The following TMC2 variants were observed in gnomAD, a reference collection of about 807,000 sequenced individuals.
TMC2 encodes transmembrane channel like 2.
TMC2 carries 102 observed loss-of-function variants against 105.9 expected under a neutral mutation model. The observed-to-expected ratio is 0.96, with a 90% confidence interval of 0.82 to 1.14. The LOEUF is 1.14. TMC2 is among the 50% of genes most tolerant of loss of function. The pLI is 0.00. For synonymous variants in TMC2, 402 were observed against 422.8 expected, an observed-to-expected ratio of 0.95 and a Z score of 0.60; for missense variants, 1,093 against 1,134.3, an observed-to-expected ratio of 0.96 and a Z score of 0.52.
intron 11 of TMC2, among the ~76,000 whole-genome samples, chr20:2,605,832 G>A (rs2086387226): frequency 6.6e-6 from 1 of 152,226 alleles, no homozygotes; most frequent in African/African-American, 2.4e-5. Flanking sequence ...TAACTACTAA[G>A]AGGGCAGCTT....
chr20:2,612,942 A>G (rs1254836422), intron 13 of TMC2, among the ~76,000 whole-genome samples: 1 of 152,226 alleles, frequency 6.6e-6, no homozygotes, highest in Non-Finnish European at 1.5e-5. Flanking sequence ...TTTGAGATTG[A>G]TATCAATATC....
At position 2,602,118 on chromosome 20, in the gene TMC2, A is replaced by C; in HGVS notation, c.1230A>C (p.Ser410=). ...TCTCATTTTCACACATTAAGGAATC[A>C]ATAGTGGATGAACAAGAGAGTAACA... ...YASITTSFKE[S]IVDEQESNKE... Residue 410 remains serine, a synonymous_variant, in exon 11 of 20, where the codon TCA becomes TCC. Transcript: ENST00000358864. 1 of 1,608,732 alleles carries C rather than the reference A, an allele frequency of 6.2e-7. No homozygotes were observed. Among genetic ancestry groups the C allele is most frequent in the Admixed American group, 1.7e-5 (1 of 59,344 alleles).
At chr20:2,553,111 C>T (rs2085966577) in intron 2 of TMC2, among the ~76,000 whole-genome samples, 1 of 152,146 alleles carries the variant, frequency 6.6e-6, no homozygotes, top group African/African-American at 2.4e-5. Context: ...TATCTTACTG[C>T]ATTATCTAGG....
chr20:2,595,916 A>G (rs539485503), intron 9 of TMC2, among the ~76,000 whole-genome samples: 2 of 152,350 alleles, frequency 1.3e-5, no homozygotes, highest in East Asian at 3.9e-4. Flanking sequence ...AGCACTCGAC[A>G]GTGACCACTG....
chr20:2,603,151 C>T (rs1260533165), intron 11 of TMC2, among the ~76,000 whole-genome samples: 2 of 151,880 alleles, frequency 1.3e-5, no homozygotes, highest in African/African-American at 4.8e-5. Flanking sequence ...CAGTAAACCA[C>T]CAGATATTTG....
Position 2,599,539 on chromosome 20 carries a change from ATTTTTTTTTTT to A in TMC2, c.1224+2254_1224+2264del, listed in dbSNP as rs11409325. On this transcript the variant is annotated intron_variant, in intron 10 of 19. Transcript: ENST00000358864. Reference sequence around the variant, plus strand: ...CTTCGTTTTTTTTTTCTTTAATTACATTTTTTTTTTTTTTTTTTTTTTTGGAGACAAGGTCT... The same window carrying A: ...CTTCGTTTTTTTTTTCTTTAATTACATTTTTTTTTTTTGGAGACAAGGTCT... Among the ~76,000 whole-genome samples the A allele has an allele frequency of 5.8e-5, 5 of 85,514 alleles. No homozygotes were observed. The East Asian group carries it at 1.1e-3, about 19-fold the overall frequency. 56.1% of individuals were successfully genotyped at this position (85,514 alleles called of 152,430 possible). A position where few individuals can be genotyped will look rare whatever the true frequency, so the allele number is the denominator to read the frequency against.
At chr20:2,610,365 C>G in intron 11 of TMC2, 54 bp from the exon 12 acceptor site, 1 of 1,514,100 alleles carries the variant, frequency 6.6e-7, no homozygotes, top group Non-Finnish European at 9.0e-7. Context: ...GCAGAGATGG[C>G]AGCCAAACAA....
Position 2,592,391 on chromosome 20 carries a change from G to A in TMC2, c.916G>A (p.Val306Ile). ...GGAAGAAAAGGCCATGGATTTTTCT[G>A]TCCTTTGGGATTTTGAGGTACTATT... ...AEEEKAMDFS[V>I]LWDFEGYIKY... Residue 306 changes from valine to isoleucine, a missense_variant, in exon 8 of 20, where the codon GTC (valine) becomes ATC (isoleucine). Transcript: ENST00000358864. The surrounding 1 kb of genome is among the most constrained non-coding windows in gnomAD (Gnocchi z 4.9). The A allele has an allele frequency of 1.2e-6, 2 of 1,613,462 alleles. No individual in the cohort carries two copies. The highest frequency in any genetic ancestry group is 2.2e-5 in the East Asian group (1 of 44,870).
intron 6 of TMC2, among the ~76,000 whole-genome samples, chr20:2,579,670 C>T (rs1241396795): frequency 6.6e-6 from 1 of 152,054 alleles, no homozygotes; most frequent in African/African-American, 2.4e-5. Flanking sequence ...GTGATCCACC[C>T]ACCTTAGCCT....
chr20:2,570,854 CA>C (rs1000655788), intron 4 of TMC2, among the ~76,000 whole-genome samples: 1 of 152,098 alleles, frequency 6.6e-6, no homozygotes, highest in African/African-American at 2.4e-5. Flanking sequence ...TGCCCACCTA[CA>C]ACCATCTGAT....
chr20:2,597,188 G>A lies in TMC2; in HGVS notation c.1114G>A (p.Glu372Lys), dbSNP rs2086314549. ...TACCCAAGGAAGCACAGGCGAAGGG[G>A]AGAGTGACAACTTCACATTCAGCTT... is the stretch of plus-strand genomic sequence containing the variant. ...SNTQGSTGEG[E>K]SDNFTFSFKM... The change falls in exon 10 of 20, where the codon GAG (glutamate) becomes AAG (lysine). Residue 372 changes from glutamate to lysine, a missense_variant. Glu to Lys is a moderately conservative substitution (Grantham distance 56, BLOSUM62 1). Transcript: ENST00000358864. 3 of 1,614,124 alleles carry A rather than the reference G, an allele frequency of 1.9e-6. No individual in the cohort carries two copies. Among genetic ancestry groups the A allele is most frequent in the South Asian group, 1.1e-5 (1 of 91,076 alleles).
intron 12 of TMC2, among the ~76,000 whole-genome samples, chr20:2,611,829 A>AATGGATGGATGGATGGATGGATGG (rs556611452): frequency 9.0e-6 from 1 of 111,430 alleles, no homozygotes; most frequent in African/African-American, 3.9e-5. Flanking sequence ...TAGATGGATG[A>AATGGATGGATGGATGGATGGATGG]ATGGATGGAT....
chr20:2,641,367 G>C lies in TMC2; in HGVS notation c.*16G>C, dbSNP rs957848747. On this transcript the variant is annotated 3_prime_UTR_variant, in exon 20 of 20. Coordinates refer to ENST00000358864, the MANE Select transcript of TMC2 (RefSeq NM_080751.3). ...TCCCCACTGATGGCTAGGACTCCAG[G>C]GAGCCTCGACCCTAGGGCTGATCCT... 1.2e-5 allele frequency: 19 copies of C among 1,578,252 alleles called. No homozygotes were observed. The highest frequency in any genetic ancestry group is 1.6e-5 in the Non-Finnish European group (18 of 1,150,078).
chr20:2,552,412 T>C (rs148689948), intron 2 of TMC2, among the ~76,000 whole-genome samples: 3 of 152,224 alleles, frequency 2.0e-5, no homozygotes, highest in African/African-American at 7.2e-5. Context: ...CCAAGGAACA[T>C]TCATTTATTT....
chr20:2,544,302 T>G (rs1016201416), intron 2 of TMC2, among the ~76,000 whole-genome samples: 7 of 152,166 alleles, frequency 4.6e-5, no homozygotes, highest in Admixed American at 2.6e-4. Context: ...ACTCTGGAGA[T>G]CCCACATCTG....
At chr20:2,638,035 G>A (rs2146273740) in intron 19 of TMC2, among the ~76,000 whole-genome samples, 1 of 152,184 alleles carries the variant, frequency 6.6e-6, no homozygotes, top group Middle Eastern at 3.4e-3. Flanking sequence ...CAAGCCTACT[G>A]AGCTGCCAGT....
At chr20:2,541,378 C>T (rs1393464488) in intron 2 of TMC2, among the ~76,000 whole-genome samples, 36 of 152,134 alleles carry the variant, frequency 2.4e-4, no homozygotes, top group Admixed American at 2.2e-3. Flanking sequence ...TGGTGGCTTA[C>T]GCCTGTAATC....
chr20:2,607,520 C>T (rs868530113), intron 11 of TMC2, among the ~76,000 whole-genome samples: 2 of 152,154 alleles, frequency 1.3e-5, no homozygotes, highest in South Asian at 2.1e-4. Flanking sequence ...ATTATTGGAC[C>T]GAGCAGAGTT....
intron 11 of TMC2, among the ~76,000 whole-genome samples, 198 bp downstream of exon 11, chr20:2,602,499 TAC>T (rs2086359407): frequency 6.6e-6 from 1 of 152,212 alleles, no homozygotes; most frequent in African/African-American, 2.4e-5. Flanking sequence ...AACTGGCTTT[TAC>T]AACTAGAAAA....
Sources: allele counts gnomAD v4.1 joint callset (sites outside exome capture counted in the v4.1 genomes callset), GRCh38; gene constraint gnomAD v4.1.1; non-coding constraint Gnocchi (gnomAD v3.1); transcripts MANE v1.5; gene names NCBI Gene and HGNC (gene_info 2026-07-23, HGNC 2026-07-21).